The following FRMPD4 variants were observed in gnomAD, a reference collection of about 807,000 sequenced individuals.
FRMPD4 encodes the protein FERM and PDZ domain-containing protein 4.
FRMPD4 carries 22 observed loss-of-function variants against 94.1 expected under a neutral mutation model. The observed-to-expected ratio is 0.23, with a 90% CI of 0.17 to 0.33. The LOEUF is 0.33. FRMPD4 is among the 10% of genes least tolerant of loss of function. The pLI is 1.00. For missense variants in FRMPD4, 1,111 were observed against 1,339.9 expected (o/e 0.83, Z 2.67); for synonymous variants, 631 against 548.6 (o/e 1.15, Z -2.10).
intron 14 of FRMPD4, among the ~76,000 whole-genome samples, 166 bp downstream of exon 14, chrX:12,710,703 C>T (rs1260841494): frequency 1.8e-5 from 2 of 111,363 alleles, no homozygotes; most frequent in African/African-American, 6.5e-5. Flanking sequence ...GTCAGGCTTT[C>T]GAGACCAGCC....
intron 2 of FRMPD4, among the ~76,000 whole-genome samples, chrX:12,543,347 A>G (rs1298728923): frequency 1.8e-5 from 2 of 112,086 alleles, no homozygotes; most frequent in African/African-American, 3.2e-5. Flanking sequence ...TCATCTGACA[A>G]AGGGCTAATA....
intron 3 of FRMPD4, among the ~76,000 whole-genome samples, chrX:11,943,219 A>G (rs1404068799): frequency 9.0e-6 from 1 of 111,529 alleles, no homozygotes; most frequent in African/African-American, 3.3e-5. Context: ...AAATCATTTC[A>G]TCGATAATTT....
chrX:12,220,477 G>T (rs1174514191), intron 1 of FRMPD4, among the ~76,000 whole-genome samples: 1 of 111,870 alleles, frequency 8.9e-6, no homozygotes, highest in African/African-American at 3.3e-5. Flanking sequence ...TCCCTTCCCA[G>T]TATTTACCCA....
At chrX:12,067,351 C>A (rs919101876) in intron 3 of FRMPD4, among the ~76,000 whole-genome samples, 2 of 111,566 alleles carry the variant, frequency 1.8e-5, no homozygotes, top group East Asian at 5.6e-4. Flanking sequence ...CCAATGCTCA[C>A]CCATCTGTTT....
intron 2 of FRMPD4, among the ~76,000 whole-genome samples, chrX:12,536,402 C>T (rs1213897861): frequency 2.7e-5 from 3 of 110,438 alleles, no homozygotes; most frequent in African/African-American, 9.8e-5. Context: ...GGTTTTTATC[C>T]TGACACAAAT....
chrX:12,006,530 T>G (rs188126537), intron 3 of FRMPD4, among the ~76,000 whole-genome samples: 193 of 112,237 alleles, frequency 1.7e-3, no homozygotes, highest in African/African-American at 4.6e-3. Context: ...AAACTGTATC[T>G]GTATATGCAT....
At chrX:12,170,812 TCC>T (rs759524175) in intron 1 of FRMPD4, among the ~76,000 whole-genome samples, 8 of 112,823 alleles carry the variant, frequency 7.1e-5, no homozygotes, top group Non-Finnish European at 1.3e-4. Flanking sequence ...CTCATCTCTC[TCC>T]TCTTTCCTGT....
chrX:12,200,443 T>A (rs772585076), intron 1 of FRMPD4, among the ~76,000 whole-genome samples: 84 of 111,840 alleles, frequency 7.5e-4, no homozygotes, highest in Non-Finnish European at 1.4e-3. Flanking sequence ...TACAAATCTG[T>A]ATTAATCATC....
At chrX:12,531,144 T>G (rs924408511) in intron 2 of FRMPD4, among the ~76,000 whole-genome samples, 6 of 112,372 alleles carry the variant, frequency 5.3e-5, no homozygotes, top group Non-Finnish European at 1.1e-4. Context: ...TTTCATTAGA[T>G]TCAACAAATT....
intron 1 of FRMPD4, among the ~76,000 whole-genome samples, chrX:12,175,581 G>A (rs952401102): frequency 8.9e-6 from 1 of 112,194 alleles, no homozygotes; most frequent in African/African-American, 3.2e-5. Flanking sequence ...GTGAAGTGGC[G>A]TGATCTCTGC....
At chrX:12,283,670 C>G (rs1350834559) in intron 1 of FRMPD4, among the ~76,000 whole-genome samples, 2 of 108,400 alleles carry the variant, frequency 1.8e-5, no homozygotes, top group Non-Finnish European at 3.8e-5. Flanking sequence ...TTTGTTATCT[C>G]ACTAATTTAT....
intron 3 of FRMPD4, among the ~76,000 whole-genome samples, chrX:12,005,757 C>T (rs1288102910): frequency 9.0e-6 from 1 of 110,776 alleles, no homozygotes; most frequent in Non-Finnish European, 1.9e-5. Context: ...GGGAGGGTTC[C>T]CAGAATTGTG....
chrX:12,290,258 C>G (rs933236716), intron 1 of FRMPD4, among the ~76,000 whole-genome samples: 6 of 111,946 alleles, frequency 5.4e-5, no homozygotes, highest in Non-Finnish European at 9.4e-5. Context: ...TAGTCTGAGC[C>G]TCAGTCCAAA....
chrX:12,463,730 G>C (rs1276445313), intron 1 of FRMPD4, among the ~76,000 whole-genome samples: 2 of 93,472 alleles, frequency 2.1e-5, no homozygotes, highest in Non-Finnish European at 4.2e-5. Flanking sequence ...TGAAATAAGG[G>C]TGTGAGGGCA....
At chrX:12,518,823 G>A (rs190894758) in intron 2 of FRMPD4, among the ~76,000 whole-genome samples, 5 of 102,078 alleles carry the variant, frequency 4.9e-5, no homozygotes, top group Non-Finnish European at 8.6e-5. Context: ...ACGTGCGCGC[G>A]TGCACACACA....
chrX:12,129,485 C>A (rs778160885), intron 3 of FRMPD4, among the ~76,000 whole-genome samples: 25 of 111,839 alleles, frequency 2.2e-4, no homozygotes, highest in African/African-American at 5.2e-4. Context: ...ATGATAACTA[C>A]AATTCAAGAT....
At chrX:12,458,695 G>T (rs9988278) in intron 1 of FRMPD4, among the ~76,000 whole-genome samples, 4,410 of 111,261 alleles carry the variant, frequency 0.04, 245 homozygotes, top group African/African-American at 0.13. Flanking sequence ...ATTGGTGAAG[G>T]CAGGTCAGGG....
At chrX:12,662,989 A>G (rs2059733644) in intron 4 of FRMPD4, among the ~76,000 whole-genome samples, 1 of 112,657 alleles carries the variant, frequency 8.9e-6, no homozygotes, top group Admixed American at 9.4e-5. Flanking sequence ...TGTTGGCGGC[A>G]TAAATGTCTT....
chrX:11,829,409 C>T (rs375067692), intron 1 of FRMPD4, among the ~76,000 whole-genome samples: 5 of 111,286 alleles, frequency 4.5e-5, no homozygotes, highest in African/African-American at 1.6e-4. Flanking sequence ...ATAAAGTAAA[C>T]TAGGAAAATC....
Sources: allele counts gnomAD v4.1 joint callset (sites outside exome capture counted in the v4.1 genomes callset), GRCh38; gene constraint gnomAD v4.1.1; transcripts MANE v1.5; gene names NCBI Gene and HGNC (gene_info 2026-07-23, HGNC 2026-07-21).